Variants in DNM2 observed in about 807,000 individuals in gnomAD.
DNM2 encodes dynamin 2, also known as dynamin-2.
In DNM2, 15 loss-of-function variants were observed where a neutral mutation model predicts 99.0. That is an observed-to-expected ratio of 0.15 (90% CI 0.10 to 0.23). The LOEUF (loss-of-function observed/expected upper bound fraction) is 0.23, where lower values mean the gene tolerates loss of function less well. DNM2 is among the 10% of genes least tolerant of loss of function. The pLI, the probability that DNM2 is intolerant of heterozygous loss-of-function variation, is 1.00. For missense variants in DNM2, 742 were observed against 1,189.4 expected (o/e 0.62, Z 5.53); for synonymous variants, 525 against 481.2 (o/e 1.09, Z -1.19).
At chr19:10,739,034 A>G (rs2069639756) in intron 1 of DNM2, among the ~76,000 whole-genome samples, 1 of 151,920 alleles carries the variant, frequency 6.6e-6, no homozygotes, top group Non-Finnish European at 1.5e-5. Flanking sequence ...GGGGCGTGGT[A>G]GCGGGCGCCT....
chr19:10,817,374 C>A lies in DNM2; in HGVS notation c.1672-2606C>A, dbSNP rs556085391. On this transcript the variant is annotated intron_variant, in intron 15 of 20. Transcript: ENST00000389253. The surrounding 1 kb of genome is among the most constrained non-coding windows in gnomAD (Gnocchi z 4.6). ...ACGGGGTGGTGGAAAATGACACTCA[C>A]CTGCCGGCGAGTTTGGGGGGCCTGT... 1 of 477,932 alleles carries A rather than the reference C, an allele frequency of 2.1e-6. No individual in the cohort carries two copies. Among genetic ancestry groups the A allele is most frequent in the Admixed American group, 2.3e-5 (1 of 43,632 alleles). 29.6% of individuals were successfully genotyped at this position (477,932 alleles called of 1,614,324 possible). A position where few individuals can be genotyped will look rare whatever the true frequency, so the allele number is the denominator to read the frequency against.
intron 2 of DNM2, among the ~76,000 whole-genome samples, chr19:10,770,793 C>T (rs368576885): frequency 2.3e-4 from 35 of 152,102 alleles, no homozygotes; most frequent in East Asian, 3.9e-4. Flanking sequence ...GAGAATAGCA[C>T]GGGAAAGACC....
intron 11 of DNM2, 50 bp downstream of exon 11, chr19:10,798,622 G>A: frequency 1.3e-6 from 2 of 1,591,186 alleles, no homozygotes; most frequent in Non-Finnish European, 1.7e-6. Flanking sequence ...TGCAGTAAAT[G>A]TCAAGTGTAC....
chr19:10,801,210 G>A (rs1486837665), intron 11 of DNM2, among the ~76,000 whole-genome samples: 1 of 152,176 alleles, frequency 6.6e-6, no homozygotes, highest in African/African-American at 2.4e-5. Context: ...GAAGACTGAG[G>A]CAGGAGAATT....
intron 2 of DNM2, among the ~76,000 whole-genome samples, chr19:10,768,349 G>T (rs2070867396): frequency 6.6e-6 from 1 of 152,102 alleles, no homozygotes; most frequent in Admixed American, 6.5e-5. Flanking sequence ...AGCTACTTAG[G>T]AGGCTAAGGT....
chr19:10,780,605 G>A (rs150380898), intron 5 of DNM2, among the ~76,000 whole-genome samples: 19 of 152,154 alleles, frequency 1.2e-4, no homozygotes, highest in African/African-American at 3.9e-4. Context: ...TTTTCCTGGC[G>A]TACTAATGAC....
chr19:10,727,558 G>A (rs191027122), intron 1 of DNM2, among the ~76,000 whole-genome samples: 83 of 152,116 alleles, frequency 5.5e-4, no homozygotes, highest in Middle Eastern at 6.8e-3. Flanking sequence ...TGTAGAGGTG[G>A]GGTCTCATTA....
In DNM2 at chr19:10,795,259, T is replaced by C; in HGVS notation, c.1129-113T>C. On this transcript the variant is annotated intron_variant, in intron 8 of 20. Transcript: ENST00000389253. This position sits in a 1 kb window ranked among gnomAD's most constrained non-coding sequence, Gnocchi z 4.2. ...TTAAATAAAATTTTGACGAGTTAAA[T>C]ATTCTGCCTTGTGAATATAGCCACA... 2.0e-6 allele frequency: 2 copies of C among 992,810 alleles called. No individual in the cohort carries two copies. Among genetic ancestry groups the C allele is most frequent in the Non-Finnish European group, 3.2e-6 (2 of 623,290 alleles). The allele number at this position is 992,810 out of a possible 1,614,324, so 61.5% of individuals were successfully genotyped here.
In DNM2 at chr19:10,784,246, T is replaced by G. The variant is rs873015; in HGVS notation, c.849+1126T>G. On this transcript the variant is annotated intron_variant, in intron 6 of 20. Transcript: ENST00000389253. ...GTCCTTGTAGAAGGCATAATTCTAA[T>G]GGGGGAGACTGACACCCAACAAACC... Among the ~76,000 whole-genome samples, 3 of 151,896 alleles carry G rather than the reference T, an allele frequency of 2.0e-5. No homozygotes were observed. The South Asian group carries it at 6.2e-4, about 32-fold the overall frequency.
intron 1 of DNM2, among the ~76,000 whole-genome samples, chr19:10,736,091 C>T (rs964536946): frequency 1.5e-4 from 23 of 151,876 alleles, no homozygotes; most frequent in Non-Finnish European, 3.2e-4. Flanking sequence ...GGTGAAACTC[C>T]GTCTCTACTA....
rs1422154859 is a variant in DNM2 at position 10,805,896 on chromosome 19, T to C, written c.1494-20T>C. The C allele has an allele frequency of 5.6e-6, 9 of 1,614,056 alleles. No homozygotes were observed. Among genetic ancestry groups the C allele is most frequent in the African/African-American group, 1.3e-5 (1 of 74,910 alleles). ...CCCGGCATCTTGTCCACGTGAACCC[T>C]GTCTGTTCTTTGGTTTCAGTGCCCA... On this transcript the variant is annotated intron_variant, in intron 12 of 20. Transcript: ENST00000389253.
intron 17 of DNM2, chr19:10,824,841 G>A (rs2073091145): frequency 3.1e-6 from 2 of 652,328 alleles, no homozygotes; most frequent in Non-Finnish European, 2.6e-6. Flanking sequence ...ACGTTCCAAT[G>A]CCCAGGTGAG....
rs972327541 is a variant in DNM2 at position 10,816,272 on chromosome 19, C to T, written c.1672-3708C>T. On this transcript the variant is annotated intron_variant, in intron 15 of 20. Coordinates refer to ENST00000389253, the MANE Select transcript of DNM2 (RefSeq NM_001005361.3). The surrounding 1 kb of genome is among the most constrained non-coding windows in gnomAD (Gnocchi z 4.6). The stretch of plus-strand genomic sequence containing the variant: ...GACATTGGGGGTGAAAGGATCATCC[C>T]GCTCCACATGAGGCCAGACGCTCAT... Among the ~76,000 whole-genome samples, 1 of 152,092 alleles carries T rather than the reference C, an allele frequency of 6.6e-6. No individual in the cohort carries two copies. The highest frequency in any genetic ancestry group is 2.4e-5 in the African/African-American group (1 of 41,400).
At chr19:10,827,747 T>C (rs1176685977) in intron 18 of DNM2, among the ~76,000 whole-genome samples, 1 of 151,970 alleles carries the variant, frequency 6.6e-6, no homozygotes, top group Non-Finnish European at 1.5e-5. Flanking sequence ...CACGCGTCTG[T>C]AGTCCCAGCT....
At position 10,783,693 on chromosome 19, in the gene DNM2, A is replaced by ATTT. The variant is rs1177838790; in HGVS notation, c.849+575_849+576insTTT. 1.2e-3 allele frequency among the ~76,000 whole-genome samples: 160 copies of ATTT among 131,990 alleles called. 1 individual carries two copies. The highest frequency in any genetic ancestry group is 4.0e-3 in the African/African-American group (156 of 38,734). 86.6% of individuals were successfully genotyped at this position (131,990 alleles called of 152,430 possible). A position where few individuals can be genotyped will look rare whatever the true frequency, so the allele number is the denominator to read the frequency against. The stretch of plus-strand genomic sequence containing the variant: ...TTTTTTATTTATTATTATTATTATT[A>ATTT]TTATTATTATTATTTTTTATTTTTG... On this transcript the variant is annotated intron_variant, in intron 6 of 20. Transcript: ENST00000389253.
intron 1 of DNM2, among the ~76,000 whole-genome samples, chr19:10,725,352 A>G (rs930249942): frequency 3.3e-5 from 5 of 151,940 alleles, no homozygotes; most frequent in East Asian, 1.9e-4. Flanking sequence ...AGGCTGAGGC[A>G]GGAGAATCAC....
rs2073246854 is a variant in DNM2 at position 10,829,087 on chromosome 19, G to A, written c.2110G>A (p.Asp704Asn). ...GCTGGCCTACCTATACTCCTCGGCAGACCAGAGCAGCCTCATGGAGGAGTC... is the reference window on the plus strand; with the variant it reads ...GCTGGCCTACCTATACTCCTCGGCAAACCAGAGCAGCCTCATGGAGGAGTC... The part of the protein sequence containing the change: ...ELLAYLYSSA[D>N]QSSLMEESAD... Residue 704 changes from aspartate (D) to asparagine (N), a missense_variant, in exon 19 of 21, where the codon GAC becomes AAC. Transcript: ENST00000389253. 1.9e-6 allele frequency: 3 copies of A among 1,613,852 alleles called. No homozygotes were observed. The highest frequency in any genetic ancestry group is 2.5e-6 in the Non-Finnish European group (3 of 1,180,004).
At position 10,772,905 on chromosome 19, in the gene DNM2, C is replaced by T. The variant is rs544340904; in HGVS notation, c.385+277C>T. Reference sequence around the variant, plus strand: ...TCCCCCTTTTACCAAGGGCAGCCACCACTTGGCTCAAGGCAGCCAGATCTG... The same window carrying T: ...TCCCCCTTTTACCAAGGGCAGCCACTACTTGGCTCAAGGCAGCCAGATCTG... On this transcript the variant is annotated intron_variant, in intron 3 of 20. Transcript: ENST00000389253. The surrounding 1 kb of genome is among the most constrained non-coding windows in gnomAD (Gnocchi z 4.9). Among the ~76,000 whole-genome samples, 24 of 152,012 alleles carry T rather than the reference C, an allele frequency of 1.6e-4. No individual in the cohort carries two copies. The highest frequency in any genetic ancestry group is 5.5e-4 in the African/African-American group (23 of 41,468).
rs2072810970 is a variant in DNM2, at chr19:10,817,810, TGTGTGTGCGC to T, written c.1672-2168_1672-2159del. ...AGGGGCGCACACACACGTGTGTGTG[TGTGTGTGCGC>T]GCGCGCGCACGCGTGCGTGCCGGCA... On this transcript the variant is annotated intron_variant, in intron 15 of 20. Transcript: ENST00000389253. The surrounding 1 kb of genome is among the most constrained non-coding windows in gnomAD (Gnocchi z 4.6). Among the ~76,000 whole-genome samples, 1 of 133,690 alleles carries T rather than the reference TGTGTGTGCGC, an allele frequency of 7.5e-6. No homozygotes were observed. The highest frequency in any genetic ancestry group is 1.7e-5 in the Non-Finnish European group (1 of 59,642). The allele number at this position is 133,690 out of a possible 152,430, so 87.7% of individuals were successfully genotyped here. A position where few individuals can be genotyped will look rare whatever the true frequency, so the allele number is the denominator to read the frequency against.
Sources: gnomAD v4.1 joint callset for allele counts (sites outside exome capture counted in the v4.1 genomes callset) on GRCh38, gnomAD v4.1.1 for gene constraint, Gnocchi (gnomAD v3.1) non-coding constraint, MANE v1.5 for transcripts, NCBI Gene and HGNC (gene_info 2026-07-23, HGNC 2026-07-21) for gene names.